Variants in AFG1L observed in about 807,000 individuals in gnomAD.
The protein encoded by AFG1L is AFG1-like ATPase.
A neutral mutation model predicts 62.2 loss-of-function variants in AFG1L; 53 were observed. The observed-to-expected ratio is 0.85, with a 90% CI of 0.68 to 1.07. The LOEUF is 1.07. Ranked by LOEUF, AFG1L falls within the 50% of genes least tolerant of loss-of-function variation. The pLI is 0.00. For synonymous variants in AFG1L, 228 were observed against 210.3 expected (o/e 1.08, Z -0.73); for missense variants, 555 against 590.5 (o/e 0.94, Z 0.62).
chr6:108,346,895 G>A, intron 2 of AFG1L, 93 bp from the exon 3 acceptor site: 1 of 912,466 alleles, frequency 1.1e-6, no homozygotes. Flanking sequence ...AGCCCCTCTT[G>A]GTTCTGTATA....
intron 1 of AFG1L, among the ~76,000 whole-genome samples, chr6:108,323,370 TA>T (rs202132048): frequency 7.2e-5 from 11 of 152,228 alleles, no homozygotes; most frequent in Non-Finnish European, 1.2e-4. Flanking sequence ...ATTGTTTAAT[TA>T]TTTTTTTTTT....
chr6:108,403,599 A>G (rs1228105070), intron 7 of AFG1L, among the ~76,000 whole-genome samples: 1 of 152,162 alleles, frequency 6.6e-6, no homozygotes, highest in Non-Finnish European at 1.5e-5. Flanking sequence ...ATAGACTTGC[A>G]ACGTTTTCTC....
intron 7 of AFG1L, among the ~76,000 whole-genome samples, chr6:108,423,575 A>G (rs941481955): frequency 6.6e-6 from 1 of 151,802 alleles, no homozygotes. Context: ...TACAAAATAC[A>G]TTGTATATTT....
chr6:108,492,179 C>T (rs547011027), intron 10 of AFG1L, among the ~76,000 whole-genome samples: 3 of 152,320 alleles, frequency 2.0e-5, no homozygotes, highest in African/African-American at 4.8e-5. Context: ...CACTGGTTCA[C>T]CTTTCATGTC....
At chr6:108,497,990 C>T (rs1774036277) in intron 10 of AFG1L, among the ~76,000 whole-genome samples, 1 of 152,174 alleles carries the variant, frequency 6.6e-6, no homozygotes, top group African/African-American at 2.4e-5. Context: ...ATATGTGCAT[C>T]TGCAGTCAAT....
intron 8 of AFG1L, among the ~76,000 whole-genome samples, chr6:108,474,529 C>T (rs1184571821): frequency 6.6e-6 from 1 of 152,210 alleles, no homozygotes; most frequent in East Asian, 1.9e-4. Context: ...TATTTCTCCA[C>T]AGCCTTACCA....
chr6:108,506,737 T>G (rs1774435261), intron 10 of AFG1L, among the ~76,000 whole-genome samples: 1 of 152,250 alleles, frequency 6.6e-6, no homozygotes, highest in Non-Finnish European at 1.5e-5. Context: ...AAATGCTATG[T>G]AAATGGTTGT....
At chr6:108,308,856 C>T (rs991107403) in intron 1 of AFG1L, among the ~76,000 whole-genome samples, 1 of 151,990 alleles carries the variant, frequency 6.6e-6, no homozygotes, top group Non-Finnish European at 1.5e-5. Flanking sequence ...CAGGCGTGTG[C>T]CACCACGCCC....
intron 7 of AFG1L, among the ~76,000 whole-genome samples, chr6:108,435,142 G>GT (rs1461282427): frequency 6.6e-6 from 1 of 152,166 alleles, no homozygotes; most frequent in Non-Finnish European, 1.5e-5. Context: ...TGGCAGCAGT[G>GT]TATTAGTCAC....
At chr6:108,454,303 A>G (rs1449357673) in intron 8 of AFG1L, among the ~76,000 whole-genome samples, 1 of 152,240 alleles carries the variant, frequency 6.6e-6, no homozygotes, top group Admixed American at 6.5e-5. Flanking sequence ...GGTTGCAGAA[A>G]TGTATCCACA....
At chr6:108,312,128 G>T (rs1202269793) in intron 1 of AFG1L, among the ~76,000 whole-genome samples, 2 of 152,204 alleles carry the variant, frequency 1.3e-5, no homozygotes, top group African/African-American at 4.8e-5. Flanking sequence ...GCCTCCCAAA[G>T]TGTTGGGATT....
At position 108,400,946 on chromosome 6, in the gene AFG1L, T is replaced by C. The variant is rs190523398; in HGVS notation, c.749-1050T>C. 1.6e-4 allele frequency among the ~76,000 whole-genome samples: 24 copies of C among 147,456 alleles called. No homozygotes were observed. In the East Asian group the frequency reaches 4.7e-3, roughly 29 times the overall value. On this transcript the variant is annotated intron_variant, in intron 6 of 12. Coordinates refer to ENST00000368977, the MANE Select transcript of AFG1L (RefSeq NM_145315.5). ...CTGTTGATGTATTTTCTAAAAAGGCTAACCTTATTACTCAATGTTTAATTC... is the reference window on the plus strand; with the variant it reads ...CTGTTGATGTATTTTCTAAAAAGGCCAACCTTATTACTCAATGTTTAATTC...
At chr6:108,494,208 G>A (rs4546524) in intron 10 of AFG1L, among the ~76,000 whole-genome samples, 3,462 of 151,626 alleles carry the variant, frequency 0.023, 132 homozygotes, top group African/African-American at 0.079. Flanking sequence ...AGTCCAGCAC[G>A]GTGCTTTTCA....
At chr6:108,500,652 A>G (rs74887381) in intron 10 of AFG1L, among the ~76,000 whole-genome samples, 1,950 of 152,250 alleles carry the variant, frequency 0.013, 26 homozygotes, top group Non-Finnish European at 0.02. Flanking sequence ...CTTTTGCACT[A>G]CCCTTTGGGT....
chr6:108,488,661 C>G (rs2114845738), intron 10 of AFG1L, among the ~76,000 whole-genome samples: 1 of 151,340 alleles, frequency 6.6e-6, no homozygotes, highest in South Asian at 2.1e-4. Context: ...AGTTCGAGAC[C>G]AGCCTGGCCA....
At chr6:108,321,679 T>C (rs1418172281) in intron 1 of AFG1L, among the ~76,000 whole-genome samples, 1 of 152,170 alleles carries the variant, frequency 6.6e-6, no homozygotes, top group Non-Finnish European at 1.5e-5. Context: ...GCCGGGAACA[T>C]TTAGGAACTC....
rs528294510 is a variant in AFG1L, at chr6:108,460,231, C to T, written c.890+12935C>T. 1.5e-4 allele frequency among the ~76,000 whole-genome samples: 23 copies of T among 149,928 alleles called. No individual in the cohort carries two copies. In the East Asian group the frequency reaches 4.6e-3, roughly 30 times the overall value. ...AGATGCAATTTTAAATGACATAAAT[C>T]AATTGCTTCTTCAATAAATAAATAA... On this transcript the variant is annotated intron_variant, in intron 8 of 12. Transcript: ENST00000368977.
chr6:108,429,155 T>C (rs1302385844), intron 7 of AFG1L, among the ~76,000 whole-genome samples: 1 of 152,194 alleles, frequency 6.6e-6, no homozygotes, highest in Non-Finnish European at 1.5e-5. Flanking sequence ...CAGCACCATT[T>C]ATTGAATAGT....
chr6:108,362,521 A>G (rs1294988620), intron 5 of AFG1L, among the ~76,000 whole-genome samples: 1 of 152,218 alleles, frequency 6.6e-6, no homozygotes, highest in African/African-American at 2.4e-5. Context: ...GAATTATATT[A>G]ATACTAGCAT....
Sources: gnomAD v4.1 joint callset for allele counts (sites outside exome capture counted in the v4.1 genomes callset) on GRCh38, gnomAD v4.1.1 for gene constraint, MANE v1.5 for transcripts, NCBI Gene and HGNC (gene_info 2026-07-23, HGNC 2026-07-21) for gene names.